Variants in SLC25A48 observed in about 807,000 individuals in gnomAD.
SLC25A48 encodes CTC-321K16.1.
SLC25A48 carries 29 observed loss-of-function variants against 32.2 expected under a neutral mutation model. The observed-to-expected ratio is 0.90, with a 90% confidence interval of 0.67 to 1.23. The LOEUF (loss-of-function observed/expected upper bound fraction) is 1.23. Among genes scored for constraint, SLC25A48 ranks in the 50% most tolerant of loss-of-function variants. SLC25A48 has a pLI of 0.00. For synonymous variants in SLC25A48, 164 were observed against 172.3 expected (o/e 0.95, Z 0.38); for missense variants, 399 against 422.7 (o/e 0.94, Z 0.49).
At chr5:135,818,608 C>T (rs1387919155) in intron 4 of SLC25A48, among the ~76,000 whole-genome samples, 1 of 152,166 alleles carries the variant, frequency 6.6e-6, no homozygotes, top group Non-Finnish European at 1.5e-5. Context: ...GCTAAAACAT[C>T]AGCTCTCTAC....
intron 1 of SLC25A48, among the ~76,000 whole-genome samples, chr5:135,601,460 T>G (rs1162975760): frequency 6.6e-6 from 1 of 152,208 alleles, no homozygotes; most frequent in Non-Finnish European, 1.5e-5. Context: ...GAAATATTCT[T>G]GTATCCTTGA....
chr5:135,612,095 CATTTT>C (rs894835490), intron 1 of SLC25A48, among the ~76,000 whole-genome samples: 1 of 152,118 alleles, frequency 6.6e-6, no homozygotes, highest in African/African-American at 2.4e-5. Context: ...CAAAATATTT[CATTTT>C]AATTGTCTAA....
At chr5:135,796,742 C>G (rs73789186) in intron 3 of SLC25A48, among the ~76,000 whole-genome samples, 7,205 of 151,334 alleles carry the variant, frequency 0.048, 351 homozygotes, top group African/African-American at 0.13. Context: ...CATAGTATTG[C>G]GGGGTGTGTA....
intron 1 of SLC25A48, among the ~76,000 whole-genome samples, chr5:135,839,715 C>A (rs1366629954): frequency 6.6e-6 from 1 of 152,118 alleles, no homozygotes; most frequent in Non-Finnish European, 1.5e-5. Context: ...AATTATAGCT[C>A]CCATAATATG....
chr5:135,807,101 T>A (rs1757480596), intron 3 of SLC25A48, among the ~76,000 whole-genome samples: 1 of 150,684 alleles, frequency 6.6e-6, no homozygotes, highest in African/African-American at 2.4e-5. Context: ...AACACTGTGT[T>A]TTAACTCTAG....
chr5:135,872,092 T>C, intron 5 of SLC25A48: 1 of 1,012,258 alleles, frequency 9.9e-7, no homozygotes, highest in South Asian at 4.9e-5. Flanking sequence ...TTTCCCCATT[T>C]CACAGATGAG....
chr5:135,847,012 A>G (rs920290814), intron 2 of SLC25A48, among the ~76,000 whole-genome samples: 11 of 152,224 alleles, frequency 7.2e-5, no homozygotes, highest in African/African-American at 2.4e-4. Context: ...GAAAGAGTCC[A>G]AAATCTAAGC....
At chr5:135,783,005 A>G (rs1756754195) in intron 3 of SLC25A48, among the ~76,000 whole-genome samples, 2 of 115,192 alleles carry the variant, frequency 1.7e-5, no homozygotes, top group South Asian at 6.3e-4. Flanking sequence ...ATTATTTCCA[A>G]TATCACAGGG....
chr5:135,667,649 G>A (rs2106821), intron 3 of SLC25A48, among the ~76,000 whole-genome samples: 109,404 of 151,750 alleles, frequency 0.72, 39,924 homozygotes, highest in Middle Eastern at 0.81. Flanking sequence ...AGACTCCAGT[G>A]AATACCTTGT....
intron 1 of SLC25A48, among the ~76,000 whole-genome samples, chr5:135,605,157 G>A (rs1751904255): frequency 6.6e-6 from 1 of 152,114 alleles, no homozygotes; most frequent in East Asian, 1.9e-4. Context: ...CTATGTTATG[G>A]AATTTTGGAT....
At chr5:135,752,134 A>G (rs1450371050) in intron 3 of SLC25A48, among the ~76,000 whole-genome samples, 1 of 152,254 alleles carries the variant, frequency 6.6e-6, no homozygotes, top group Non-Finnish European at 1.5e-5. Context: ...TCTTTCTTAG[A>G]TATAATATCA....
chr5:135,752,099 T>A (rs1755784013), intron 3 of SLC25A48, among the ~76,000 whole-genome samples: 1 of 152,220 alleles, frequency 6.6e-6, no homozygotes, highest in African/African-American at 2.4e-5. Context: ...TAGGAGAAAA[T>A]CTTTGTGTTG....
chr5:135,640,117 A>G (rs757700805), intron 3 of SLC25A48, among the ~76,000 whole-genome samples: 2 of 152,252 alleles, frequency 1.3e-5, no homozygotes, highest in Non-Finnish European at 2.9e-5. Flanking sequence ...AAAGCACAAT[A>G]TCTAAAATGA....
chr5:135,776,375 C>T (rs74380262), intron 3 of SLC25A48, among the ~76,000 whole-genome samples: 3,552 of 151,740 alleles, frequency 0.023, 138 homozygotes, highest in African/African-American at 0.081. Flanking sequence ...TAATATTACT[C>T]CCAATATCGT....
intron 2 of SLC25A48, 136 bp from the exon 3 acceptor site, chr5:135,850,289 G>C: frequency 1.3e-6 from 1 of 774,778 alleles, no homozygotes; most frequent in Non-Finnish European, 2.2e-6. Context: ...CAGGGCACCA[G>C]CCTGGCCAGG....
chr5:135,716,987 G>A (rs1205759044), intron 3 of SLC25A48, among the ~76,000 whole-genome samples: 1 of 152,212 alleles, frequency 6.6e-6, no homozygotes, highest in African/African-American at 2.4e-5. Context: ...GGCCTTGGGA[G>A]GGCATAACCA....
rs191407436 is a variant in SLC25A48, at chr5:135,816,644, C to T, written c.-117+3718C>T. ...AGAGTAACCACTCAAATAAATGAGA[C>T]TGTTAAAAGTTGGTTATTAGGGACT... On this transcript the variant is annotated intron_variant, in intron 4 of 10. Transcript: ENST00000646290. Among the ~76,000 whole-genome samples the T allele has an allele frequency of 8.5e-4, 130 of 152,278 alleles. 1 individual carries two copies. The Middle Eastern group carries it at 0.017, about 20-fold the overall frequency.
At chr5:135,591,836 T>G (rs1751534893) in intron 1 of SLC25A48, among the ~76,000 whole-genome samples, 1 of 152,212 alleles carries the variant, frequency 6.6e-6, no homozygotes, top group African/African-American at 2.4e-5. Context: ...TTTCTCCTTT[T>G]AGTCTCTCTC....
chr5:135,660,451 G>T (rs773144977), intron 3 of SLC25A48, among the ~76,000 whole-genome samples: 9 of 152,140 alleles, frequency 5.9e-5, no homozygotes, highest in Non-Finnish European at 1.2e-4. Flanking sequence ...CCTCACTAGT[G>T]TCCTAAGCCC....
Sources: gnomAD v4.1 joint callset for allele counts (sites outside exome capture counted in the v4.1 genomes callset) on GRCh38, gnomAD v4.1.1 for gene constraint, MANE v1.5 for transcripts, NCBI Gene and HGNC (gene_info 2026-07-23, HGNC 2026-07-21) for gene names.